The following SLC15A4 variants were observed in gnomAD, a reference collection of about 807,000 sequenced individuals.
SLC15A4 encodes hPHT1.
In SLC15A4, 26 loss-of-function variants were observed where a neutral mutation model predicts 46.1. The ratio of observed to expected loss-of-function variants is 0.56; its 90% CI spans 0.41 to 0.78. The LOEUF is 0.78. Ranked by LOEUF, SLC15A4 falls within the 30% of genes least tolerant of loss-of-function variation. The pLI is 0.00. For missense variants in SLC15A4, 751 were observed against 755.7 expected (o/e 0.99, Z 0.07); for synonymous variants, 370 against 333.4 (o/e 1.11, Z -1.20).
intron 5 of SLC15A4, 131 bp downstream of exon 5, chr12:128,808,657 T>TTTAAAATAAAG: frequency 1.2e-6 from 1 of 802,724 alleles, no homozygotes; most frequent in Non-Finnish European, 2.0e-6. Flanking sequence ...GTAAAATAAC[T>TTTAAAATAAAG]GATACACATC....
intron 7 of SLC15A4, among the ~76,000 whole-genome samples, chr12:128,796,252 C>T (rs535269625): frequency 6.6e-6 from 1 of 151,994 alleles, no homozygotes; most frequent in East Asian, 1.9e-4. Context: ...GATGAAACCC[C>T]GTCTCTACTA....
At chr12:128,794,468 A>T (rs986178968) in intron 7 of SLC15A4, 112 bp from the exon 8 acceptor site, 24 of 1,079,248 alleles carry the variant, frequency 2.2e-5, no homozygotes, top group Non-Finnish European at 2.9e-5. Context: ...TCATAAAAAA[A>T]GTAACAAATG....
intron 7 of SLC15A4, among the ~76,000 whole-genome samples, chr12:128,796,268 A>G (rs1955440936): frequency 6.6e-6 from 1 of 152,062 alleles, no homozygotes; most frequent in South Asian, 2.1e-4. Context: ...TACTAAAAAT[A>G]CAAATAATTA....
At chr12:128,797,974 C>T (rs1955466588) in intron 7 of SLC15A4, among the ~76,000 whole-genome samples, 1 of 152,104 alleles carries the variant, frequency 6.6e-6, no homozygotes, top group South Asian at 2.1e-4. Flanking sequence ...AGATCCTGGC[C>T]CATCCCCAGC....
intron 1 of SLC15A4, among the ~76,000 whole-genome samples, chr12:128,822,171 A>G (rs888108646): frequency 1.6e-4 from 24 of 152,128 alleles, no homozygotes; most frequent in African/African-American, 5.8e-4. Context: ...TTCTGCATAT[A>G]ATACTTGGTG....
Position 128,823,772 on chromosome 12 carries a change from G to C in SLC15A4, c.172C>G (p.Leu58Val). ...RAAFYGITSN[L>V]VLFLNGAPFC... ...GGCGCCCCGTTCAGGAATAGCACCA[G>C]GTTGGACGTGATGCCGTAGAAAGCG... Residue 58 changes from leucine (L) to valine (V), a missense_variant, in exon 1 of 8, where the codon CTG becomes GTG. Leu to Val is a conservative substitution (Grantham distance 32). Transcript: ENST00000266771. 3.3e-6 allele frequency: 5 copies of C among 1,526,172 alleles called. No individual in the cohort carries two copies. The highest frequency in any genetic ancestry group is 4.4e-6 in the Non-Finnish European group (5 of 1,144,440). 94.5% of individuals were successfully genotyped at this position (1,526,172 alleles called of 1,614,324 possible). A position where few individuals can be genotyped will look rare whatever the true frequency, so the allele number is the denominator to read the frequency against.
rs1955864770 is a variant in SLC15A4, at chr12:128,822,734, CCAGGCTGGT to C, written c.546+655_546+663del. ...GCTCGGCTAATTTTTGTATTTTTAG[CCAGGCTGGT>C]CAGGCTGGTCTCGAACTCCTGACCT... On this transcript the variant is annotated intron_variant, in intron 1 of 7. Coordinates refer to ENST00000266771, the MANE Select transcript of SLC15A4 (RefSeq NM_145648.4). Among the ~76,000 whole-genome samples, 4 of 152,160 alleles carry C rather than the reference CCAGGCTGGT, an allele frequency of 2.6e-5. No individual in the cohort carries two copies. The South Asian group carries it at 8.3e-4, about 32-fold the overall frequency.
intron 4 of SLC15A4, 155 bp from the exon 5 acceptor site, chr12:128,809,111 AG>A: frequency 1.4e-6 from 1 of 710,692 alleles, no homozygotes; most frequent in South Asian, 2.1e-5. Flanking sequence ...AACTGGGAAA[AG>A]ATTTCTTTCC....
At chr12:128,805,920 G>A (rs544806962) in intron 5 of SLC15A4, among the ~76,000 whole-genome samples, 4 of 152,180 alleles carry the variant, frequency 2.6e-5, no homozygotes, top group African/African-American at 9.6e-5. Flanking sequence ...GGTGGCTCAT[G>A]CTTATAATCC....
At chr12:128,803,198 C>T (rs1955538239) in intron 5 of SLC15A4, among the ~76,000 whole-genome samples, 1 of 152,052 alleles carries the variant, frequency 6.6e-6, no homozygotes, top group Admixed American at 6.5e-5. Flanking sequence ...CTGAGTATTA[C>T]GGTTAATACA....
intron 6 of SLC15A4, among the ~76,000 whole-genome samples, chr12:128,799,703 T>G (rs2291349): frequency 6.6e-6 from 1 of 152,030 alleles, no homozygotes; most frequent in Non-Finnish European, 1.5e-5. Flanking sequence ...TGTGATTTGT[T>G]GGCTCTTAGA....
chr12:128,802,306 C>T (rs1048459989), intron 5 of SLC15A4, among the ~76,000 whole-genome samples: 5 of 152,166 alleles, frequency 3.3e-5, no homozygotes, highest in African/African-American at 1.2e-4. Flanking sequence ...CTGACAGCAA[C>T]CATAGCACTG....
rs1438233798 is a variant in SLC15A4 at position 128,823,483 on chromosome 12, G to A, written c.461C>T (p.Ser154Leu). Residue 154 changes from serine to leucine, a missense_variant, in exon 1 of 8, where the codon TCA becomes TTA. Coordinates refer to ENST00000266771, the MANE Select transcript of SLC15A4 (RefSeq NM_145648.4). ...PGPDAAARCC[S>L]PATFAGLVLV... ...CACCAGCCCCGCGAAGGTGGCCGGT[G>A]AGCAGCAGCGGGCGGCGGCGTCGGG... is the stretch of plus-strand genomic sequence containing the variant. 2 of 1,485,544 alleles carry A rather than the reference G, an allele frequency of 1.3e-6. No homozygotes were observed. Among genetic ancestry groups the A allele is most frequent in the East Asian group, 2.8e-5 (1 of 35,210 alleles). The allele number at this position is 1,485,544 out of a possible 1,614,324, so 92.0% of individuals were successfully genotyped here.
At position 128,821,320 on chromosome 12, in the gene SLC15A4, A is replaced by G. The variant is rs905435601; in HGVS notation, c.546+2078T>C. Among the ~76,000 whole-genome samples the G allele has an allele frequency of 2.0e-5, 3 of 152,238 alleles. No individual in the cohort carries two copies. In the East Asian group the frequency reaches 5.8e-4, roughly 29 times the overall value. On this transcript the variant is annotated intron_variant, in intron 1 of 7. Transcript: ENST00000266771. Reference sequence around the variant, plus strand: ...GGAGAGACTCCCACCTCATGTCCCTAATGTCACCACTTCCTACACAACCCA... The same window carrying G: ...GGAGAGACTCCCACCTCATGTCCCTGATGTCACCACTTCCTACACAACCCA...
Position 128,801,158 on chromosome 12 carries a change from T to A in SLC15A4, c.1259-149A>T, listed in dbSNP as rs142332272. 8.9e-5 allele frequency: 62 copies of A among 693,492 alleles called. No individual in the cohort carries two copies. The East Asian group carries it at 1.6e-3, about 18-fold the overall frequency. 43.0% of individuals were successfully genotyped at this position (693,492 alleles called of 1,614,324 possible). On this transcript the variant is annotated intron_variant, in intron 5 of 7. Transcript: ENST00000266771. ...TAATCACAGCTTCCCCCAGGACTAA[T>A]AGGCCCCCAGCCTTCAGCCTCCTAA...
chr12:128,816,479 T>C (rs1320276077), intron 1 of SLC15A4, among the ~76,000 whole-genome samples: 3 of 152,210 alleles, frequency 2.0e-5, no homozygotes, highest in Admixed American at 2.0e-4. Flanking sequence ...ATAGATCTAG[T>C]TTCTGGATCC....
Position 128,814,894 on chromosome 12 carries a change from G to A in SLC15A4, c.723C>T (p.Leu241=), listed in dbSNP as rs1172381357. The change falls in exon 2 of 8, where the codon CTC becomes CTT. Residue 241 remains leucine (L), a synonymous_variant. Transcript: ENST00000266771. ...VCVGLAFVVF[L]CGQSVFITKP... is the part of the protein sequence containing the mutation. ...TGGTGATGAAAACGCTCTGGCCACA[G>A]AGGAAGACCACAAAAGCAAGGCCGA... 3.1e-6 allele frequency: 5 copies of A among 1,614,202 alleles called. No individual in the cohort carries two copies. The highest frequency in any genetic ancestry group is 1.1e-5 in the South Asian group (1 of 91,084).
At chr12:128,798,634 A>C (rs1282602065) in intron 7 of SLC15A4, among the ~76,000 whole-genome samples, 3 of 152,238 alleles carry the variant, frequency 2.0e-5, no homozygotes, top group Non-Finnish European at 4.4e-5. Context: ...AAAGGAAAAG[A>C]AAGAAGAAAC....
intron 1 of SLC15A4, among the ~76,000 whole-genome samples, chr12:128,821,954 TAAG>T (rs1022240723): frequency 1.3e-5 from 2 of 149,232 alleles, no homozygotes; most frequent in Admixed American, 1.3e-4. Flanking sequence ...CCTCAGAAAA[TAAG>T]AAGCAGACCT....
Sources: allele counts gnomAD v4.1 joint callset (sites outside exome capture counted in the v4.1 genomes callset), GRCh38; gene constraint gnomAD v4.1.1; transcripts MANE v1.5; gene names NCBI Gene and HGNC (gene_info 2026-07-23, HGNC 2026-07-21).